The following CSMD1 variants were observed in gnomAD, a reference collection of about 807,000 sequenced individuals.
The protein encoded by CSMD1 is CUB and Sushi multiple domains 1, also known as CUB and sushi domain-containing protein 1.
Under a neutral mutation model 417.5 loss-of-function variants are expected in CSMD1, and 213 were observed. The observed-to-expected ratio is 0.51, with a 90% CI of 0.46 to 0.57. The LOEUF (loss-of-function observed/expected upper bound fraction) is 0.57. Among genes scored for constraint, CSMD1 ranks in the 20% least tolerant of loss-of-function variants. The pLI, the probability that CSMD1 is intolerant of heterozygous loss-of-function variation, is 0.00. For synonymous variants in CSMD1, 2,862 were observed against 1,736.8 expected (o/e 1.65, Z -16.11); for missense variants, 6,923 against 4,529.7 (o/e 1.53, Z -15.17).
intron 1 of CSMD1, among the ~76,000 whole-genome samples, chr8:4,821,935 A>T (rs1191872534): frequency 6.6e-6 from 1 of 152,114 alleles, no homozygotes; most frequent in Admixed American, 6.6e-5. Flanking sequence ...AGGTATTTTT[A>T]AATAATCTAA....
intron 3 of CSMD1, among the ~76,000 whole-genome samples, chr8:4,055,816 A>C (rs1798661209): frequency 1.3e-5 from 2 of 151,280 alleles, no homozygotes; most frequent in African/African-American, 4.9e-5. Flanking sequence ...ACTGAAGCAG[A>C]AGTGTTGATT....
chr8:4,780,918 T>A (rs949707634), intron 1 of CSMD1, among the ~76,000 whole-genome samples: 1 of 152,224 alleles, frequency 6.6e-6, no homozygotes, highest in Non-Finnish European at 1.5e-5. Context: ...ATTGTAATTA[T>A]TTTTTAAAAG....
In CSMD1 at chr8:3,828,504, A is replaced by T. The variant is rs140425084; in HGVS notation, c.819-74462T>A. Among the ~76,000 whole-genome samples the T allele has an allele frequency of 5.6e-4, 86 of 152,308 alleles. No individual in the cohort carries two copies. The East Asian group carries it at 0.016, about 29-fold the overall frequency. Reference sequence around the variant, plus strand: ...CACTTGATCTTTATCAGTGTTTCCCAAACACTAGTTATCTATAATTCCTCT... The same window carrying T: ...CACTTGATCTTTATCAGTGTTTCCCTAACACTAGTTATCTATAATTCCTCT... On this transcript the variant is annotated intron_variant, in intron 5 of 69. Transcript: ENST00000635120.
chr8:3,725,996 C>T lies in CSMD1; in HGVS notation c.932-17505G>A, dbSNP rs1235294648. ...AGTAATTGTGTGTGACTACGGAGAC[C>T]GGGTCACTGCAAGTTCCTGCTGGCT... is the stretch of plus-strand genomic sequence containing the variant. On this transcript the variant is annotated intron_variant, in intron 6 of 69. Transcript: ENST00000635120. Among the ~76,000 whole-genome samples the T allele has an allele frequency of 8.5e-5, 13 of 152,084 alleles. No individual in the cohort carries two copies. The East Asian group carries it at 9.6e-4, about 11-fold the overall frequency.
At chr8:4,012,872 C>G (rs938352299) in intron 4 of CSMD1, among the ~76,000 whole-genome samples, 1 of 152,146 alleles carries the variant, frequency 6.6e-6, no homozygotes, top group Non-Finnish European at 1.5e-5. Flanking sequence ...TCTTCTATGT[C>G]TCTCATGTGT....
rs1353896402 is a variant in CSMD1 at position 4,316,147 on chromosome 8, C to T, written c.415+103806G>A. On this transcript the variant is annotated intron_variant, in intron 3 of 69. Transcript: ENST00000635120. ...AACCATTCAAAAACCTTCAACAATCCAAATACTCCCTTTCAATTATGTAGA... is the reference window on the plus strand; with the variant it reads ...AACCATTCAAAAACCTTCAACAATCTAAATACTCCCTTTCAATTATGTAGA... Among the ~76,000 whole-genome samples, 4 of 151,996 alleles carry T rather than the reference C, an allele frequency of 2.6e-5. No individual in the cohort carries two copies. The South Asian group carries it at 6.2e-4, about 24-fold the overall frequency.
intron 3 of CSMD1, among the ~76,000 whole-genome samples, chr8:4,102,003 T>A (rs1480244431): frequency 1.3e-5 from 2 of 152,164 alleles, no homozygotes; most frequent in Admixed American, 6.5e-5. Context: ...GACCCGGCAA[T>A]AGCTGAGGGA....
intron 31 of CSMD1, 145 bp downstream of exon 31, chr8:3,205,359 T>C: frequency 1.8e-6 from 1 of 564,080 alleles, no homozygotes; most frequent in Admixed American, 3.3e-5. Flanking sequence ...AGGATATGTT[T>C]GGAAGGCCTG....
At chr8:3,623,429 A>C (rs1279262762) in intron 7 of CSMD1, among the ~76,000 whole-genome samples, 1 of 152,222 alleles carries the variant, frequency 6.6e-6, no homozygotes, top group East Asian at 1.9e-4. Flanking sequence ...AAGTATAAGC[A>C]ACGACATCTA....
chr8:3,708,319 G>A, intron 7 of CSMD1, 95 bp downstream of exon 7: 1 of 925,428 alleles, frequency 1.1e-6, no homozygotes, highest in Non-Finnish European at 1.7e-6. Context: ...GATAACGTGG[G>A]GAAGGTGGTG....
chr8:4,447,256 G>C (rs1336091569), intron 2 of CSMD1, among the ~76,000 whole-genome samples: 4 of 152,116 alleles, frequency 2.6e-5, no homozygotes. Context: ...CGTTATAGCA[G>C]GTTAGATACA....
intron 12 of CSMD1, among the ~76,000 whole-genome samples, chr8:3,435,225 C>T (rs1475386023): frequency 1.3e-5 from 2 of 152,076 alleles, no homozygotes; most frequent in African/African-American, 4.8e-5. Flanking sequence ...CACAGAGCTC[C>T]CTGGGAAAGA....
At chr8:4,168,076 C>T (rs373679824) in intron 3 of CSMD1, among the ~76,000 whole-genome samples, 18 of 151,540 alleles carry the variant, frequency 1.2e-4, no homozygotes, top group African/African-American at 4.4e-4. Context: ...TTGTAGGGAG[C>T]TGAAATCGCA....
At chr8:3,023,708 T>C (rs1364971212) in intron 51 of CSMD1, among the ~76,000 whole-genome samples, 1 of 152,078 alleles carries the variant, frequency 6.6e-6, no homozygotes, top group Non-Finnish European at 1.5e-5. Flanking sequence ...TAATAGGTGA[T>C]CAAGGCTCAC....
chr8:3,803,325 C>T (rs559611898), intron 5 of CSMD1, among the ~76,000 whole-genome samples: 1 of 152,132 alleles, frequency 6.6e-6, no homozygotes, highest in Non-Finnish European at 1.5e-5. Context: ...TACTGCTATA[C>T]ACAAATACTT....
At chr8:4,344,257 A>C (rs1800649636) in intron 3 of CSMD1, among the ~76,000 whole-genome samples, 1 of 152,102 alleles carries the variant, frequency 6.6e-6, no homozygotes, top group African/African-American at 2.4e-5. Context: ...TCATCTTTAC[A>C]CGTGTTCATT....
At chr8:4,862,286 G>C (rs911390019) in intron 1 of CSMD1, among the ~76,000 whole-genome samples, 2 of 152,042 alleles carry the variant, frequency 1.3e-5, no homozygotes, top group East Asian at 1.9e-4. Context: ...CTGTAAGTGA[G>C]AGTATCAATG....
intron 1 of CSMD1, among the ~76,000 whole-genome samples, chr8:4,964,854 T>C (rs908079425): frequency 1.3e-5 from 2 of 152,186 alleles, no homozygotes; most frequent in African/African-American, 4.8e-5. Flanking sequence ...TCGTGTCTGA[T>C]GTAATTGCTC....
intron 1 of CSMD1, among the ~76,000 whole-genome samples, chr8:4,988,930 G>A (rs953258961): frequency 5.3e-5 from 8 of 152,048 alleles, no homozygotes; most frequent in African/African-American, 1.7e-4. Flanking sequence ...CCTGTAAAGG[G>A]AATTTTAATT....
Sources: allele counts gnomAD v4.1 joint callset (sites outside exome capture counted in the v4.1 genomes callset), GRCh38; gene constraint gnomAD v4.1.1; transcripts MANE v1.5; gene names NCBI Gene and HGNC (gene_info 2026-07-23, HGNC 2026-07-21).